The following GRM7 variants were observed in gnomAD, a reference collection of about 807,000 sequenced individuals.
The protein encoded by GRM7 is metabotropic glutamate receptor 7.
GRM7 carries 35 observed loss-of-function variants against 84.5 expected under a neutral mutation model. The ratio of observed to expected loss-of-function variants is 0.41; its 90% CI spans 0.32 to 0.55. The LOEUF (loss-of-function observed/expected upper bound fraction) is 0.55. Ranked by LOEUF, GRM7 falls within the 20% of genes least tolerant of loss-of-function variation. GRM7 has a pLI of 0.19. For synonymous variants in GRM7, 487 were observed against 455.1 expected (o/e 1.07, Z -0.89); for missense variants, 1,003 against 1,194.6 (o/e 0.84, Z 2.36).
rs187147626 is a variant in GRM7 at position 7,636,101 on chromosome 3, G to T, written c.2452-43948G>T. On this transcript the variant is annotated intron_variant, in intron 8 of 9. Transcript: ENST00000357716. ...TAGAACAGAAATTTCTTTAAAATAG[G>T]TTTATGGTGAATTCTACCTAGAGGT... Among the ~76,000 whole-genome samples, 9 of 152,230 alleles carry T rather than the reference G, an allele frequency of 5.9e-5. No homozygotes were observed. The East Asian group carries it at 1.7e-3, about 29-fold the overall frequency.
At chr3:7,059,603 T>C (rs1181903768) in intron 1 of GRM7, among the ~76,000 whole-genome samples, 1 of 151,786 alleles carries the variant, frequency 6.6e-6, no homozygotes, top group African/African-American at 2.4e-5. Flanking sequence ...ATGTTCTGCA[T>C]GCTTTCATCT....
intron 1 of GRM7, among the ~76,000 whole-genome samples, chr3:7,100,352 A>T (rs918320729): frequency 1.3e-5 from 2 of 151,630 alleles, no homozygotes; most frequent in East Asian, 3.9e-4. Flanking sequence ...GTTAATTGGC[A>T]CCCCTGCAGT....
At chr3:6,876,283 T>C (rs1387884920) in intron 1 of GRM7, among the ~76,000 whole-genome samples, 1 of 151,628 alleles carries the variant, frequency 6.6e-6, no homozygotes, top group Non-Finnish European at 1.5e-5. Flanking sequence ...AAAAAAAAAT[T>C]ATTATGGCAT....
chr3:7,378,921 A>C (rs1347630813), intron 4 of GRM7, among the ~76,000 whole-genome samples: 1 of 152,172 alleles, frequency 6.6e-6, no homozygotes, highest in African/African-American at 2.4e-5. Flanking sequence ...AATGTCATGC[A>C]ATGCATGACT....
At chr3:7,490,594 CCT>C (rs1393106191) in intron 7 of GRM7, among the ~76,000 whole-genome samples, 2 of 151,782 alleles carry the variant, frequency 1.3e-5, no homozygotes, top group East Asian at 3.9e-4. Flanking sequence ...AATGGTATCC[CCT>C]TAGTGCCCCT....
At chr3:7,500,058 A>G (rs1267628937) in intron 7 of GRM7, among the ~76,000 whole-genome samples, 2 of 152,114 alleles carry the variant, frequency 1.3e-5, no homozygotes, top group Non-Finnish European at 2.9e-5. Flanking sequence ...ACAGGCATGG[A>G]CACCATTCTT....
chr3:7,317,235 AT>A (rs1700615600), intron 4 of GRM7, among the ~76,000 whole-genome samples: 4 of 152,094 alleles, frequency 2.6e-5, no homozygotes, highest in Non-Finnish European at 4.4e-5. Flanking sequence ...TCTATAGTGA[AT>A]ACCATCCCCT....
chr3:7,142,620 C>T (rs1422741760), intron 1 of GRM7, among the ~76,000 whole-genome samples: 1 of 152,084 alleles, frequency 6.6e-6, no homozygotes, highest in Non-Finnish European at 1.5e-5. Context: ...GATTATAGTT[C>T]TTGATGCAAT....
intron 1 of GRM7, among the ~76,000 whole-genome samples, chr3:7,139,556 G>C (rs1009649361): frequency 6.6e-6 from 1 of 151,886 alleles, no homozygotes; most frequent in African/African-American, 2.4e-5. Flanking sequence ...GTGAATTCAT[G>C]CATAGATCTT....
chr3:7,630,888 G>A (rs1450452357), intron 8 of GRM7, among the ~76,000 whole-genome samples: 1 of 152,234 alleles, frequency 6.6e-6, no homozygotes, highest in Non-Finnish European at 1.5e-5. Flanking sequence ...TTGCTGTTAA[G>A]TGTTAAGCCC....
At chr3:7,155,805 G>A (rs1694429560) in intron 2 of GRM7, among the ~76,000 whole-genome samples, 1 of 152,002 alleles carries the variant, frequency 6.6e-6, no homozygotes, top group South Asian at 2.1e-4. Context: ...AACATATCCG[G>A]CAGTAATAGT....
chr3:7,424,425 G>A (rs1696520745), intron 5 of GRM7, among the ~76,000 whole-genome samples: 1 of 151,936 alleles, frequency 6.6e-6, no homozygotes, highest in South Asian at 2.1e-4. Context: ...CTTATATCAT[G>A]CTAGGCACAT....
chr3:7,319,937 C>G (rs1034808342), intron 4 of GRM7, among the ~76,000 whole-genome samples: 3 of 152,016 alleles, frequency 2.0e-5, no homozygotes, highest in South Asian at 4.1e-4. Flanking sequence ...AAGGTAACCA[C>G]TACACAAATC....
At chr3:7,693,219 A>G (rs1253323848) in intron 9 of GRM7, among the ~76,000 whole-genome samples, 2 of 152,294 alleles carry the variant, frequency 1.3e-5, no homozygotes, top group East Asian at 3.9e-4. Context: ...ATGAGTCTTC[A>G]TATACAGATG....
At chr3:7,352,057 C>CACCACACACACACA (rs1277659188) in intron 4 of GRM7, among the ~76,000 whole-genome samples, 7 of 136,892 alleles carry the variant, frequency 5.1e-5, no homozygotes, top group African/African-American at 1.7e-4. Flanking sequence ...CACACACACA[C>CACCACACACACACA]CACACACACA....
At chr3:7,466,601 A>G (rs1198827771) in intron 7 of GRM7, among the ~76,000 whole-genome samples, 1 of 152,192 alleles carries the variant, frequency 6.6e-6, no homozygotes, top group Non-Finnish European at 1.5e-5. Flanking sequence ...AAAAATGTTA[A>G]TTTTCCAGAT....
intron 7 of GRM7, among the ~76,000 whole-genome samples, chr3:7,521,854 A>G (rs958632818): frequency 6.6e-6 from 1 of 152,158 alleles, no homozygotes; most frequent in African/African-American, 2.4e-5. Flanking sequence ...ACTTTTCTGC[A>G]TGCAAAATCA....
intron 4 of GRM7, among the ~76,000 whole-genome samples, chr3:7,360,135 C>CTGTGTGTGTGTGTG (rs1191039401): frequency 3.9e-5 from 4 of 102,950 alleles, no homozygotes; most frequent in African/African-American, 1.8e-4. Flanking sequence ...TTTTTTTTCC[C>CTGTGTGTGTGTGTG]TCTGTGTGTG....
intron 9 of GRM7, among the ~76,000 whole-genome samples, chr3:7,711,682 A>G (rs1701584823): frequency 6.6e-6 from 1 of 152,180 alleles, no homozygotes; most frequent in African/African-American, 2.4e-5. Context: ...ATCTTGGGCC[A>G]TGACTCCCTA....
Sources: gnomAD v4.1 joint callset for allele counts (sites outside exome capture counted in the v4.1 genomes callset) on GRCh38, gnomAD v4.1.1 for gene constraint, MANE v1.5 for transcripts, NCBI Gene and HGNC (gene_info 2026-07-23, HGNC 2026-07-21) for gene names.